The following GALNT18 variants were observed in gnomAD, a reference collection of about 807,000 sequenced individuals.
GALNT18 encodes the protein polypeptide N-acetylgalactosaminyltransferase 18.
In GALNT18, 44 loss-of-function variants were observed where a neutral mutation model predicts 69.5. The ratio of observed to expected loss-of-function variants is 0.63; its 90% CI spans 0.50 to 0.81. The LOEUF is 0.81. GALNT18 is among the 40% of genes least tolerant of loss of function. The pLI, the probability that GALNT18 is intolerant of heterozygous loss-of-function variation, is 0.00. For synonymous variants in GALNT18, 364 were observed against 318.2 expected (o/e 1.14, Z -1.53); for missense variants, 715 against 810.0 (o/e 0.88, Z 1.42).
chr11:11,578,164 A>G (rs570625570), intron 1 of GALNT18, among the ~76,000 whole-genome samples: 1 of 152,186 alleles, frequency 6.6e-6, no homozygotes, highest in East Asian at 1.9e-4. Context: ...CTGAACTCCC[A>G]CGAAGGCTGA....
chr11:11,299,831 G>A (rs1849463719), intron 9 of GALNT18, among the ~76,000 whole-genome samples: 1 of 152,204 alleles, frequency 6.6e-6, no homozygotes, highest in South Asian at 2.1e-4. Flanking sequence ...AAACACCCAG[G>A]ATTGGGATTG....
At chr11:11,429,941 A>T (rs1330447579) in intron 3 of GALNT18, among the ~76,000 whole-genome samples, 1 of 152,058 alleles carries the variant, frequency 6.6e-6, no homozygotes, top group East Asian at 1.9e-4. Flanking sequence ...GGAGTTTGAG[A>T]CCTGGCTACC....
intron 3 of GALNT18, among the ~76,000 whole-genome samples, chr11:11,398,886 G>A (rs983887341): frequency 3.3e-5 from 5 of 152,328 alleles, no homozygotes; most frequent in Middle Eastern, 3.4e-3. Context: ...AAAATGGACA[G>A]AGGGAGGTGC....
At chr11:11,330,105 A>G (rs952062764) in intron 8 of GALNT18, among the ~76,000 whole-genome samples, 1 of 152,302 alleles carries the variant, frequency 6.6e-6, no homozygotes, top group Non-Finnish European at 1.5e-5. Flanking sequence ...TCCAGGGGAA[A>G]CTTATGCCCA....
At chr11:11,277,085 G>A (rs1429314906) in intron 10 of GALNT18, among the ~76,000 whole-genome samples, 4 of 152,174 alleles carry the variant, frequency 2.6e-5, no homozygotes, top group Non-Finnish European at 4.4e-5. Context: ...CAGAAGGAAT[G>A]GTACCAGCAA....
chr11:11,360,725 G>A lies in GALNT18; in HGVS notation c.1092+11790C>T, dbSNP rs544011733. 5.9e-5 allele frequency among the ~76,000 whole-genome samples: 9 copies of A among 151,786 alleles called. No individual in the cohort carries two copies. In the South Asian group the frequency reaches 1.9e-3, roughly 32 times the overall value. On this transcript the variant is annotated intron_variant, in intron 6 of 10. Transcript: ENST00000227756. Reference sequence around the variant, plus strand: ...ATCAAATTTTGCAAATGTAAATCATGTTAATATTCATTTCTTCAGGAAACT... The same window carrying A: ...ATCAAATTTTGCAAATGTAAATCATATTAATATTCATTTCTTCAGGAAACT...
At chr11:11,305,829 G>T (rs1048711510) in intron 9 of GALNT18, among the ~76,000 whole-genome samples, 1 of 152,128 alleles carries the variant, frequency 6.6e-6, no homozygotes, top group Non-Finnish European at 1.5e-5. Context: ...ATGAACCTCT[G>T]CTTATTACAT....
rs1291916805 is a variant in GALNT18, at chr11:11,584,517, G to A, written c.235+36842C>T. On this transcript the variant is annotated intron_variant, in intron 1 of 10. Coordinates refer to ENST00000227756, the MANE Select transcript of GALNT18 (RefSeq NM_198516.3). This position sits in a 1 kb window ranked among gnomAD's most constrained non-coding sequence, Gnocchi z 4.1. Reference sequence around the variant, plus strand: ...ATGGAGGCAGAGCTCAGAGAAGCACGTCTGAACACGTAAGGACCGAGAGGC... The same window carrying A: ...ATGGAGGCAGAGCTCAGAGAAGCACATCTGAACACGTAAGGACCGAGAGGC... Among the ~76,000 whole-genome samples, 1 of 152,142 alleles carries A rather than the reference G, an allele frequency of 6.6e-6. No individual in the cohort carries two copies. The highest frequency in any genetic ancestry group is 1.5e-5 in the Non-Finnish European group (1 of 68,038).
At chr11:11,609,525 C>T (rs1182653265) in intron 1 of GALNT18, among the ~76,000 whole-genome samples, 2 of 152,182 alleles carry the variant, frequency 1.3e-5, no homozygotes, top group African/African-American at 4.8e-5. Flanking sequence ...TGATACATCC[C>T]CAGCACAGGT....
rs1857156393 is a variant in GALNT18 at position 11,511,140 on chromosome 11, C to T, written c.236-62204G>A. Reference sequence around the variant, plus strand: ...CTCTCCCGGGGGTTGTAAAAACAGGCTGCCCCTCCTTTTGGACTGAATGAG... The same window carrying T: ...CTCTCCCGGGGGTTGTAAAAACAGGTTGCCCCTCCTTTTGGACTGAATGAG... On this transcript the variant is annotated intron_variant, in intron 1 of 10. Transcript: ENST00000227756. The surrounding 1 kb of genome is among the most constrained non-coding windows in gnomAD (Gnocchi z 4.9). Among the ~76,000 whole-genome samples, 1 of 152,172 alleles carries T rather than the reference C, an allele frequency of 6.6e-6. No homozygotes were observed. Among genetic ancestry groups the T allele is most frequent in the Non-Finnish European group, 1.5e-5 (1 of 68,024 alleles).
At chr11:11,397,614 C>A (rs1244054614) in intron 3 of GALNT18, among the ~76,000 whole-genome samples, 1 of 152,098 alleles carries the variant, frequency 6.6e-6, no homozygotes, top group African/African-American at 2.4e-5. Flanking sequence ...CAGCCGCCCA[C>A]CTGCCACCAT....
chr11:11,613,554 T>A lies in GALNT18; in HGVS notation c.235+7805A>T, dbSNP rs1189842145. 6.6e-6 allele frequency among the ~76,000 whole-genome samples: 1 copy of A among 152,330 alleles called. No homozygotes were observed. Among genetic ancestry groups the A allele is most frequent in the South Asian group, 2.1e-4 (1 of 4,832 alleles). The stretch of plus-strand genomic sequence containing the variant: ...GCCCTGCCCTAGGGCACATGCCTTG[T>A]ATGTAGGCCTATGTGTGAGGAAGGG... On this transcript the variant is annotated intron_variant, in intron 1 of 10. Transcript: ENST00000227756. This position sits in a 1 kb window ranked among gnomAD's most constrained non-coding sequence, Gnocchi z 4.2.
intron 10 of GALNT18, among the ~76,000 whole-genome samples, chr11:11,274,556 T>A (rs1210737320): frequency 6.6e-6 from 1 of 152,222 alleles, no homozygotes; most frequent in East Asian, 1.9e-4. Flanking sequence ...TTTTTAAAAT[T>A]TTTTATTATT....
chr11:11,477,933 C>A (rs1302623366), intron 1 of GALNT18, among the ~76,000 whole-genome samples: 2 of 152,126 alleles, frequency 1.3e-5, no homozygotes, highest in Non-Finnish European at 2.9e-5. Context: ...CCAGAAAGTC[C>A]TACAATTAGG....
chr11:11,331,459 A>G (rs1434432165), intron 8 of GALNT18, among the ~76,000 whole-genome samples: 2 of 152,154 alleles, frequency 1.3e-5, no homozygotes, highest in Non-Finnish European at 2.9e-5. Context: ...GGGAGCACTG[A>G]GCCCAATTTC....
chr11:11,506,257 T>A (rs2077817982), intron 1 of GALNT18, among the ~76,000 whole-genome samples: 1 of 152,100 alleles, frequency 6.6e-6, no homozygotes, highest in Non-Finnish European at 1.5e-5. Flanking sequence ...AAACCCCACA[T>A]GGTTTTGCTA....
chr11:11,418,374 C>G (rs1466121939), intron 3 of GALNT18, among the ~76,000 whole-genome samples: 2 of 152,252 alleles, frequency 1.3e-5, no homozygotes, highest in African/African-American at 4.8e-5. Flanking sequence ...GCTTGGAACA[C>G]AGCAGGTACC....
rs188866042 is a variant in GALNT18, at chr11:11,523,403, C to A, written c.236-74467G>T. Among the ~76,000 whole-genome samples, 188 of 152,220 alleles carry A rather than the reference C, an allele frequency of 1.2e-3. 2 individuals are homozygous for A. The highest frequency in any genetic ancestry group is 4.2e-3 in the African/African-American group (173 of 41,514). On this transcript the variant is annotated intron_variant, in intron 1 of 10. Transcript: ENST00000227756. The surrounding 1 kb of genome is among the most constrained non-coding windows in gnomAD (Gnocchi z 4.3). ...TCTGTGCAGAGGTAACCGAGAGCTA[C>A]CTCTAGAGGTCTTCAAACTCAAGAA...
At chr11:11,501,512 A>C (rs942948136) in intron 1 of GALNT18, among the ~76,000 whole-genome samples, 3 of 152,068 alleles carry the variant, frequency 2.0e-5, no homozygotes, top group African/African-American at 4.8e-5. Flanking sequence ...TTAAAATCCT[A>C]CTCTTTCGTG....
Sources: allele counts gnomAD v4.1 joint callset (sites outside exome capture counted in the v4.1 genomes callset), GRCh38; gene constraint gnomAD v4.1.1; non-coding constraint Gnocchi (gnomAD v3.1); transcripts MANE v1.5; gene names NCBI Gene and HGNC (gene_info 2026-07-23, HGNC 2026-07-21).